RORB: variants seen among roughly 807,000 people sequenced by gnomAD.
RORB encodes nuclear receptor ROR-beta.
Under a neutral mutation model 59.1 loss-of-function variants are expected in RORB, and 6 were observed. That is an observed-to-expected ratio of 0.10 (90% CI 0.06 to 0.20). RORB has a LOEUF of 0.20. RORB is among the 10% of genes least tolerant of loss of function. The pLI is 1.00. For synonymous variants in RORB, 215 were observed against 204.5 expected (o/e 1.05, Z -0.44); for missense variants, 320 against 560.5 (o/e 0.57, Z 4.33).
At chr9:74,668,014 T>G in intron 8 of RORB, 113 bp downstream of exon 8, 1 of 654,350 alleles carries the variant, frequency 1.5e-6, no homozygotes, top group South Asian at 1.8e-5. Context: ...AGAGCTATAT[T>G]TTCTTTACCA....
chr9:74,614,057 G>A (rs1226865347), intron 1 of RORB, among the ~76,000 whole-genome samples: 1 of 152,096 alleles, frequency 6.6e-6, no homozygotes, highest in African/African-American at 2.4e-5. Flanking sequence ...TGTGTCTTTG[G>A]TAGAATGATT....
intron 1 of RORB, among the ~76,000 whole-genome samples, chr9:74,605,513 C>T (rs895098789): frequency 1.3e-5 from 2 of 152,138 alleles, no homozygotes; most frequent in Non-Finnish European, 2.9e-5. Context: ...GGAAGTGACC[C>T]GGTGTCTGTC....
intron 1 of RORB, among the ~76,000 whole-genome samples, chr9:74,519,596 A>G (rs1826055378): frequency 6.6e-6 from 1 of 151,998 alleles, no homozygotes; most frequent in Non-Finnish European, 1.5e-5. Flanking sequence ...TAAATTTTCT[A>G]AGTAAATGCT....
chr9:74,503,620 G>A (rs571016589), intron 1 of RORB, among the ~76,000 whole-genome samples: 1 of 152,074 alleles, frequency 6.6e-6, no homozygotes, highest in African/African-American at 2.4e-5. Context: ...ATGATAATTA[G>A]AGGGAAAGGG....
At chr9:74,594,699 G>T (rs1194960491) in intron 1 of RORB, among the ~76,000 whole-genome samples, 1 of 151,942 alleles carries the variant, frequency 6.6e-6, no homozygotes, top group Non-Finnish European at 1.5e-5. Context: ...TACATCTCTG[G>T]CTGCAGTCTA....
intron 9 of RORB, among the ~76,000 whole-genome samples, chr9:74,683,918 T>C (rs767037127): frequency 3.3e-5 from 5 of 152,208 alleles, no homozygotes; most frequent in Non-Finnish European, 5.9e-5. Context: ...AGGCATGCAA[T>C]TCCTTGTGGT....
At chr9:74,539,419 G>A (rs561401470) in intron 1 of RORB, among the ~76,000 whole-genome samples, 4 of 152,096 alleles carry the variant, frequency 2.6e-5, no homozygotes, top group South Asian at 4.2e-4. Context: ...GCTGTTGTTC[G>A]GATGAGAACA....
chr9:74,608,354 A>G (rs1351961289), intron 1 of RORB, among the ~76,000 whole-genome samples: 1 of 152,044 alleles, frequency 6.6e-6, no homozygotes, highest in Non-Finnish European at 1.5e-5. Context: ...TCATGAGGTC[A>G]GAAGATCGAG....
chr9:74,562,996 C>T (rs1040225183), intron 1 of RORB, among the ~76,000 whole-genome samples: 10 of 152,044 alleles, frequency 6.6e-5, no homozygotes, highest in African/African-American at 2.4e-4. Flanking sequence ...AAAACATTAT[C>T]TCATATAATC....
At chr9:74,650,218 A>C (rs1056543783) in intron 4 of RORB, among the ~76,000 whole-genome samples, 2 of 152,262 alleles carry the variant, frequency 1.3e-5, no homozygotes, top group African/African-American at 4.8e-5. Flanking sequence ...CACATTAAAT[A>C]GTATTTCAAG....
intron 1 of RORB, among the ~76,000 whole-genome samples, chr9:74,566,380 G>T (rs1279482815): frequency 6.6e-6 from 1 of 151,244 alleles, no homozygotes; most frequent in Non-Finnish European, 1.5e-5. Context: ...TATTATTTAT[G>T]TTATTTTCTA....
chr9:74,597,565 A>C (rs1822987268), intron 1 of RORB, among the ~76,000 whole-genome samples: 1 of 152,274 alleles, frequency 6.6e-6, no homozygotes, highest in Non-Finnish European at 1.5e-5. Flanking sequence ...GTTAAAAGAA[A>C]TTGAGAAAAT....
chr9:74,562,108 G>T (rs560946699), intron 1 of RORB, among the ~76,000 whole-genome samples: 154 of 152,266 alleles, frequency 1.0e-3, no homozygotes, highest in Non-Finnish European at 1.7e-3. Context: ...TAGATCATTT[G>T]CTTAAGGTGG....
intron 1 of RORB, chr9:74,498,295 C>T (rs956993414): frequency 1.4e-4 from 61 of 423,972 alleles, no homozygotes; most frequent in African/African-American, 1.2e-3. Flanking sequence ...GGTGCGGAAG[C>T]GGACGCGGGA....
chr9:74,567,571 G>A lies in RORB; in HGVS notation c.8-62711G>A, dbSNP rs377671454. ...AGAAACAGGAACATGATAAATGTAG[G>A]GGGAAATGAGGGTCTCCACTGAAAC... On this transcript the variant is annotated intron_variant, in intron 1 of 9. Transcript: ENST00000376896. 1.5e-4 allele frequency among the ~76,000 whole-genome samples: 23 copies of A among 152,230 alleles called. No individual in the cohort carries two copies. In the East Asian group the frequency reaches 3.9e-3, roughly 26 times the overall value.
intron 1 of RORB, among the ~76,000 whole-genome samples, chr9:74,600,631 T>C (rs1389003159): frequency 1.3e-5 from 2 of 152,188 alleles, no homozygotes; most frequent in African/African-American, 4.8e-5. Context: ...AGATTTGGTA[T>C]AGTTTTCTTA....
intron 4 of RORB, among the ~76,000 whole-genome samples, chr9:74,653,930 T>C (rs2118494141): frequency 6.6e-6 from 1 of 152,314 alleles, no homozygotes; most frequent in African/African-American, 2.4e-5. Context: ...TTTTATAACA[T>C]CACAGTTATA....
intron 1 of RORB, among the ~76,000 whole-genome samples, chr9:74,565,508 C>T (rs1822456414): frequency 6.6e-6 from 1 of 152,132 alleles, no homozygotes; most frequent in South Asian, 2.1e-4. Context: ...TTTTCATAAG[C>T]ATTCTGTACC....
intron 1 of RORB, among the ~76,000 whole-genome samples, chr9:74,516,528 G>C (rs1304230160): frequency 6.6e-6 from 1 of 151,856 alleles, no homozygotes; most frequent in South Asian, 2.1e-4. Flanking sequence ...AAATGTTAGG[G>C]GCCTAGCGTT....
Sources: gnomAD v4.1 joint callset for allele counts (sites outside exome capture counted in the v4.1 genomes callset) on GRCh38, gnomAD v4.1.1 for gene constraint, MANE v1.5 for transcripts, NCBI Gene and HGNC (gene_info 2026-07-23, HGNC 2026-07-21) for gene names.